Variants in HAVCR1 observed in about 807,000 individuals in gnomAD.
The protein encoded by HAVCR1 is hepatitis A virus cellular receptor 1, also known as T cell immunoglobin domain and mucin domain protein 1.
In HAVCR1, 34 loss-of-function variants were observed where a neutral mutation model predicts 32.0. That is an observed-to-expected ratio of 1.06 (90% CI 0.81 to 1.42). The LOEUF (loss-of-function observed/expected upper bound fraction) is 1.42, where lower values mean the gene tolerates loss of function less well. HAVCR1 is among the 40% of genes most tolerant of loss of function. The probability of loss-of-function intolerance (pLI) is 0.00; values close to 1 mark genes in which losing one functional copy is unlikely to be tolerated. For missense variants in HAVCR1, 420 were observed against 442.3 expected, an observed-to-expected ratio of 0.95 and a Z score of 0.45; for synonymous variants, 178 against 170.3, an observed-to-expected ratio of 1.05 and a Z score of -0.35.
the HAVCR1 span, among the ~76,000 whole-genome samples, chr5:157,064,795 GA>G: frequency 6.6e-6 from 1 of 152,160 alleles, no homozygotes; most frequent in Non-Finnish European, 1.5e-5. Flanking sequence ...TTGAACCCAG[GA>G]GGCAGAGGTT....
intron 6 of HAVCR1, among the ~76,000 whole-genome samples, chr5:157,039,496 C>G (rs1282401597): frequency 6.6e-6 from 1 of 151,990 alleles, no homozygotes; most frequent in African/African-American, 2.4e-5. Flanking sequence ...TTACAGGCAC[C>G]CGCCACCACA....
intron 6 of HAVCR1, among the ~76,000 whole-genome samples, chr5:157,039,539 A>G (rs1754739199): frequency 2.0e-5 from 3 of 152,040 alleles, no homozygotes; most frequent in Admixed American, 1.3e-4. Context: ...AGTACAGAGG[A>G]GGTTTCATCA....
At chr5:157,032,237 G>A (rs1285437146) in intron 8 of HAVCR1, among the ~76,000 whole-genome samples, 1 of 152,140 alleles carries the variant, frequency 6.6e-6, no homozygotes, top group Non-Finnish European at 1.5e-5. Flanking sequence ...ATGAAAAAAT[G>A]GCCGGGCGCG....
chr5:157,059,368 T>C (rs1158200700), upstream of HAVCR1, among the ~76,000 whole-genome samples: 1 of 152,212 alleles, frequency 6.6e-6, no homozygotes, highest in Non-Finnish European at 1.5e-5. Flanking sequence ...GTGTTTTGTA[T>C]GGCAGCGTTT....
At chr5:157,030,288 T>C (rs1484344113) in intron 8 of HAVCR1, among the ~76,000 whole-genome samples, 1 of 152,188 alleles carries the variant, frequency 6.6e-6, no homozygotes, top group Non-Finnish European at 1.5e-5. Flanking sequence ...CTACATCCTA[T>C]ATTCAAGATA....
At position 157,047,741 on chromosome 5, in the gene HAVCR1, C is replaced by T. The variant is rs553849648; in HGVS notation, c.781+1297G>A. Among the ~76,000 whole-genome samples, 16 of 152,222 alleles carry T rather than the reference C, an allele frequency of 1.1e-4. No homozygotes were observed. In the South Asian group the frequency reaches 3.3e-3, roughly 32 times the overall value. The stretch of plus-strand genomic sequence containing the variant: ...AATTATCTGGTAAACATAAGTGTTT[C>T]CCTGAGTTCTGGAAGCCACTCCAGG... On this transcript the variant is annotated intron_variant, in intron 5 of 8. Transcript: ENST00000523175.
intron 6 of HAVCR1, among the ~76,000 whole-genome samples, chr5:157,041,870 C>A (rs1754919123): frequency 6.6e-6 from 1 of 152,030 alleles, no homozygotes; most frequent in African/African-American, 2.4e-5. Flanking sequence ...ACTAGCCTGG[C>A]CAACATGGTG....
chr5:157,039,767 T>C (rs6889164), intron 6 of HAVCR1, among the ~76,000 whole-genome samples: 41,835 of 152,130 alleles, frequency 0.27, 5,899 homozygotes, highest in Admixed American at 0.35. Flanking sequence ...TGAACATCCT[T>C]CTCATACATT....
At position 157,052,590 on chromosome 5, in the gene HAVCR1, G is replaced by C; in HGVS notation, c.444C>G (p.Thr148=). The C allele has an allele frequency of 6.2e-7, 1 of 1,611,908 alleles. No individual in the cohort carries two copies. Reference sequence around the variant, plus strand: ...GAACAGTCGTTGTCGTTGGAACAGTGGTGCTCGTTCGAACAGTCGTGACGG... The same window carrying C: ...GAACAGTCGTTGTCGTTGGAACAGTCGTGCTCGTTCGAACAGTCGTGACGG... ...VPTVTTVRTS[T]TVPTTTTVPM... The change falls in exon 4 of 9, where the codon ACC becomes ACG. Residue 148 remains threonine, a synonymous_variant. Transcript: ENST00000523175.
chr5:157,054,953 C>A (rs149272224), intron 3 of HAVCR1, among the ~76,000 whole-genome samples: 277 of 152,246 alleles, frequency 1.8e-3, no homozygotes, highest in African/African-American at 4.0e-3. Context: ...GTCCTGGAAA[C>A]AATTTCCCAT....
At chr5:157,034,610 C>T in intron 7 of HAVCR1, among the ~76,000 whole-genome samples, 1 of 151,862 alleles carries the variant, frequency 6.6e-6, no homozygotes, top group East Asian at 1.9e-4. Context: ...TCCCTTCCCA[C>T]AAGGCCATAT....
intron 7 of HAVCR1, among the ~76,000 whole-genome samples, chr5:157,036,486 A>C (rs1754542174): frequency 6.6e-6 from 1 of 152,228 alleles, no homozygotes; most frequent in Non-Finnish European, 1.5e-5. Flanking sequence ...TCTCAAAAAA[A>C]TTCTTATAGA....
intron 6 of HAVCR1, among the ~76,000 whole-genome samples, chr5:157,037,698 AT>A (rs1313445275): frequency 6.6e-6 from 1 of 152,214 alleles, no homozygotes; most frequent in African/African-American, 2.4e-5. Context: ...TCAATAGGCT[AT>A]TTCCACAAAT....
chr5:157,057,398 A>G (rs866433573), intron 2 of HAVCR1, among the ~76,000 whole-genome samples: 3 of 29,878 alleles, frequency 1.0e-4, no homozygotes, highest in African/African-American at 3.5e-4. Context: ...AAAGAAAGAA[A>G]GAAAGAAAGA....
At chr5:157,042,455 A>C (rs1457900075) in intron 6 of HAVCR1, among the ~76,000 whole-genome samples, 172 bp downstream of exon 6, 2 of 152,018 alleles carry the variant, frequency 1.3e-5, no homozygotes, top group Non-Finnish European at 2.9e-5. Flanking sequence ...AAAAAAAAAA[A>C]AAAAAATTAA....
the HAVCR1 span, among the ~76,000 whole-genome samples, chr5:157,064,874 A>G: frequency 6.6e-6 from 1 of 152,176 alleles, no homozygotes; most frequent in South Asian, 2.1e-4. Flanking sequence ...TCTCAAAAAA[A>G]ACAAAAAACA....
Position 157,052,634 on chromosome 5 carries a change from T to C in HAVCR1, c.400A>G (p.Ile134Val), listed in dbSNP as rs181065847. 3.2e-5 allele frequency: 51 copies of C among 1,613,972 alleles called. No individual in the cohort carries two copies. Among genetic ancestry groups the C allele is most frequent in the African/African-American group, 9.3e-5 (7 of 75,000 alleles). The change falls in exon 4 of 9, where the codon ATT becomes GTT. Residue 134 changes from isoleucine (I) to valine (V), a missense_variant. Ile to Val is a conservative substitution (Grantham distance 29). Coordinates refer to ENST00000523175, the MANE Select transcript of HAVCR1 (RefSeq NM_001173393.3). ...GTGACGGTTGGAACAGTTGTGACAA[T>C]TGGAGTAGTCGTGACCTTGGCTGGA... Reference protein sequence around the residue: ...IVPPKVTTTPIVTTVPTVTTV... With the variant: ...IVPPKVTTTPVVTTVPTVTTV...
intron 8 of HAVCR1, 45 bp downstream of exon 8, chr5:157,032,809 G>A (rs368799243): frequency 3.2e-5 from 37 of 1,158,810 alleles, no homozygotes; most frequent in Non-Finnish European, 4.5e-5. Context: ...TATTTTACCA[G>A]AGTAGGAACC....
chr5:157,044,597 A>AAGATAGAAAGAAAG (rs1554090502), intron 5 of HAVCR1, among the ~76,000 whole-genome samples: 2 of 83,344 alleles, frequency 2.4e-5, no homozygotes, highest in Admixed American at 1.3e-4. Flanking sequence ...GAAAGAAAGA[A>AAGATAGAAAGAAAG]AGAAAGAAAG....
Sources: gnomAD v4.1 joint callset for allele counts (sites outside exome capture counted in the v4.1 genomes callset) on GRCh38, gnomAD v4.1.1 for gene constraint, MANE v1.5 for transcripts, NCBI Gene and HGNC (gene_info 2026-07-23, HGNC 2026-07-21) for gene names.